Variants in ADAM7 observed in about 807,000 individuals in gnomAD.
ADAM7 encodes the protein ADAM metallopeptidase domain 7.
Under a neutral mutation model 102.9 loss-of-function variants are expected in ADAM7, and 97 were observed. The observed-to-expected ratio is 0.94, with a 90% CI of 0.80 to 1.12. The LOEUF is 1.12. Ranked by LOEUF, ADAM7 falls within the 50% of genes most tolerant of loss-of-function variation. ADAM7 has a pLI of 0.00. For synonymous variants in ADAM7, 334 were observed against 304.4 expected (o/e 1.10, Z -1.01); for missense variants, 991 against 908.7 (o/e 1.09, Z -1.16).
chr8:24,482,394 T>C, intron 9 of ADAM7, 83 bp downstream of exon 9: 3 of 1,419,742 alleles, frequency 2.1e-6, no homozygotes, highest in South Asian at 1.3e-5. Flanking sequence ...AAAAAAAACA[T>C]TTTTTAAGCA....
chr8:24,469,771 G>A (rs1306827503), intron 7 of ADAM7, among the ~76,000 whole-genome samples: 3 of 151,974 alleles, frequency 2.0e-5, no homozygotes, highest in South Asian at 2.1e-4. Context: ...AAAACAACAG[G>A]CATACTTGAA....
At chr8:24,478,806 T>C (rs1819854511) in intron 8 of ADAM7, among the ~76,000 whole-genome samples, 1 of 152,192 alleles carries the variant, frequency 6.6e-6, no homozygotes. Flanking sequence ...TTTAATGTTT[T>C]ATTGGATAGT....
At chr8:24,452,108 G>GA (rs1413827319) in intron 3 of ADAM7, among the ~76,000 whole-genome samples, 14 of 151,244 alleles carry the variant, frequency 9.3e-5, no homozygotes, top group South Asian at 2.1e-4. Flanking sequence ...GTGTGGTGCT[G>GA]AAAAAAATGT....
At position 24,501,926 on chromosome 8, in the gene ADAM7, T is replaced by A. The variant is rs573891665; in HGVS notation, c.2208+350T>A. On this transcript the variant is annotated intron_variant, in intron 20 of 21. Coordinates refer to ENST00000175238, the MANE Select transcript of ADAM7 (RefSeq NM_003817.4). ...AAAGAACTGAGCTGGGCGCAGTGGCTCACGTCTGTAATCCTCACACTTCTG... is the reference window on the plus strand; with the variant it reads ...AAAGAACTGAGCTGGGCGCAGTGGCACACGTCTGTAATCCTCACACTTCTG... Among the ~76,000 whole-genome samples, 244 of 152,234 alleles carry A rather than the reference T, an allele frequency of 1.6e-3. 2 individuals are homozygous for A. The highest frequency in any genetic ancestry group is 5.6e-3 in the African/African-American group (234 of 41,532).
At chr8:24,503,487 A>C (rs1820832332) in intron 20 of ADAM7, among the ~76,000 whole-genome samples, 1 of 152,144 alleles carries the variant, frequency 6.6e-6, no homozygotes, top group African/African-American at 2.4e-5. Flanking sequence ...AAGGATCTAG[A>C]ACTAGAAATA....
At chr8:24,488,777 A>AT (rs928065966) in intron 11 of ADAM7, among the ~76,000 whole-genome samples, 9 of 152,046 alleles carry the variant, frequency 5.9e-5, no homozygotes, top group African/African-American at 1.9e-4. Context: ...ACTAATGTTT[A>AT]TTTTTTTAAA....
intron 16 of ADAM7, among the ~76,000 whole-genome samples, 178 bp from the exon 17 acceptor site, chr8:24,499,055 ATAC>A (rs1820655554): frequency 6.6e-6 from 1 of 152,094 alleles, no homozygotes; most frequent in African/African-American, 2.4e-5. Flanking sequence ...TCCACAGAAA[ATAC>A]TACATGTGGA....
intron 7 of ADAM7, among the ~76,000 whole-genome samples, chr8:24,472,313 T>C (rs1007689660): frequency 2.0e-5 from 3 of 151,914 alleles, no homozygotes; most frequent in African/African-American, 7.2e-5. Context: ...ATTTTTTTCA[T>C]GTACAAATAA....
Position 24,508,790 on chromosome 8 carries a change from C to T in ADAM7, c.*244C>T. The T allele has an allele frequency of 7.8e-7, 1 of 1,274,314 alleles. No homozygotes were observed. The highest frequency in any genetic ancestry group is 9.9e-7 in the Non-Finnish European group (1 of 1,010,254). 78.9% of individuals were successfully genotyped at this position (1,274,314 alleles called of 1,614,324 possible). A position where few individuals can be genotyped will look rare whatever the true frequency, so the allele number is the denominator to read the frequency against. ...AAAATGTCTTGTGGTCTTTCAAATG[C>T]TCTTTAGCACAATATAAAAATTCGT... is the stretch of plus-strand genomic sequence containing the variant. On this transcript the variant is annotated 3_prime_UTR_variant, in exon 22 of 22. Transcript: ENST00000175238.
At position 24,501,548 on chromosome 8, in the gene ADAM7, C is replaced by T; in HGVS notation, c.2180C>T (p.Pro727Leu). The stretch of plus-strand genomic sequence containing the variant: ...GATGAGCAGCAGATAAGGACTGAGC[C>T]AATCCTGCCAGAAATTCATTTCCTA... ...FGDEQQIRTE[P>L]ILPEIHFLNK... Residue 727 changes from proline (P) to leucine (L), a missense_variant, in exon 20 of 22, where the codon CCA (proline) becomes CTA (leucine). Coordinates refer to ENST00000175238, the MANE Select transcript of ADAM7 (RefSeq NM_003817.4). 6.2e-7 allele frequency: 1 copy of T among 1,602,170 alleles called. No homozygotes were observed. The highest frequency in any genetic ancestry group is 8.5e-7 in the Non-Finnish European group (1 of 1,176,348).
At chr8:24,483,832 G>T (rs1820043082) in intron 9 of ADAM7, among the ~76,000 whole-genome samples, 1 of 151,974 alleles carries the variant, frequency 6.6e-6, no homozygotes, top group Non-Finnish European at 1.5e-5. Context: ...TATTTGAATG[G>T]GTGTAAGTAG....
intron 7 of ADAM7, among the ~76,000 whole-genome samples, chr8:24,474,299 C>T (rs979843052): frequency 6.6e-6 from 1 of 152,008 alleles, no homozygotes; most frequent in Non-Finnish European, 1.5e-5. Context: ...ATAAAGAATG[C>T]TGAGACACTT....
intron 3 of ADAM7, among the ~76,000 whole-genome samples, chr8:24,453,123 T>C (rs1818864272): frequency 6.6e-6 from 1 of 151,910 alleles, no homozygotes; most frequent in African/African-American, 2.4e-5. Context: ...CTGACAATTA[T>C]GTGTGTTGGA....
intron 2 of ADAM7, among the ~76,000 whole-genome samples, chr8:24,445,559 T>C (rs185975995): frequency 6.6e-6 from 1 of 152,294 alleles, no homozygotes; most frequent in East Asian, 1.9e-4. Flanking sequence ...TAAAGTTATC[T>C]ACTGCTTACT....
intron 9 of ADAM7, among the ~76,000 whole-genome samples, chr8:24,483,856 A>G (rs898146492): frequency 6.6e-6 from 1 of 152,214 alleles, no homozygotes; most frequent in African/African-American, 2.4e-5. Context: ...ACTTTTAACT[A>G]CTTTAGAACA....
chr8:24,455,270 A>G (rs1022342526), intron 3 of ADAM7, among the ~76,000 whole-genome samples: 39 of 152,152 alleles, frequency 2.6e-4, no homozygotes, highest in Non-Finnish European at 1.3e-4. Context: ...GTTTTATATC[A>G]TCTTTCTCAT....
At chr8:24,455,725 AT>A (rs944317389) in intron 3 of ADAM7, among the ~76,000 whole-genome samples, 2 of 152,128 alleles carry the variant, frequency 1.3e-5, no homozygotes, top group African/African-American at 4.8e-5. Flanking sequence ...TTTACACTGA[AT>A]TTTTTCTTTG....
chr8:24,449,280 G>T (rs1464074552), intron 3 of ADAM7, among the ~76,000 whole-genome samples: 1 of 152,186 alleles, frequency 6.6e-6, no homozygotes, highest in Non-Finnish European at 1.5e-5. Flanking sequence ...CAATGTAAAA[G>T]TGTTCCTGTT....
intron 2 of ADAM7, among the ~76,000 whole-genome samples, chr8:24,444,050 G>C (rs899835439): frequency 6.6e-6 from 1 of 151,496 alleles, no homozygotes; most frequent in African/African-American, 2.4e-5. Flanking sequence ...AAAGCTTCTT[G>C]TATACCAGAA....
Sources: gnomAD v4.1 joint callset for allele counts (sites outside exome capture counted in the v4.1 genomes callset) on GRCh38, gnomAD v4.1.1 for gene constraint, MANE v1.5 for transcripts, NCBI Gene and HGNC (gene_info 2026-07-23, HGNC 2026-07-21) for gene names.